CGNL1: variants seen among roughly 807,000 people sequenced by gnomAD.
CGNL1 encodes cingulin like 1.
In CGNL1, 132 loss-of-function variants were observed where a neutral mutation model predicts 141.2. That is an observed-to-expected ratio of 0.93 (90% confidence interval 0.81 to 1.08). The LOEUF (loss-of-function observed/expected upper bound fraction) is 1.08, where lower values mean the gene tolerates loss of function less well. Among genes scored for constraint, CGNL1 ranks in the 50% least tolerant of loss-of-function variants. The pLI is 0.00. For missense variants in CGNL1, 1,870 were observed against 1,588.6 expected (o/e 1.18, Z -3.01); for synonymous variants, 690 against 622.1 (o/e 1.11, Z -1.63).
intron 1 of CGNL1, among the ~76,000 whole-genome samples, chr15:57,414,702 A>G (rs1337217220): frequency 6.6e-6 from 1 of 151,820 alleles, no homozygotes; most frequent in Admixed American, 6.6e-5. Context: ...ACAATCCACC[A>G]AAACCAAGAT....
chr15:57,408,811 G>A (rs1160447460), intron 1 of CGNL1, among the ~76,000 whole-genome samples: 1 of 152,086 alleles, frequency 6.6e-6, no homozygotes, highest in Non-Finnish European at 1.5e-5. Context: ...CGAGGCAGCG[G>A]GATGGATCAC....
In CGNL1 at chr15:57,516,912, G is replaced by A. The variant is rs1396699310; in HGVS notation, c.2536G>A (p.Ala846Thr). 2 of 1,613,484 alleles carry A rather than the reference G, an allele frequency of 1.2e-6. No homozygotes were observed. The highest frequency in any genetic ancestry group is 2.7e-5 in the African/African-American group (2 of 74,454). ...AAGCGAAGAGCTGGAGCGGAGAGTT[G>A]CTCAGCTTCAAAGGCAGATCGAGGA... is the stretch of plus-strand genomic sequence containing the variant. ...GRSEELERRV[A>T]QLQRQIEDLK... The change falls in exon 9 of 19, where the codon GCT (alanine) becomes ACT (threonine). Residue 846 changes from alanine to threonine, a missense_variant. Transcript: ENST00000281282.
rs140214704 is a variant in CGNL1 at position 57,412,134 on chromosome 15, C to T, written c.-15-25851C>T. Among the ~76,000 whole-genome samples the T allele has an allele frequency of 4.9e-4, 75 of 152,298 alleles. No individual in the cohort carries two copies. The East Asian group carries it at 0.011, about 22-fold the overall frequency. ...TTGGAGAGTTTGTGTTGGCATCAGA[C>T]GGGTGCTGGTGATGTGCCTGAAAGT... On this transcript the variant is annotated intron_variant, in intron 1 of 18. Coordinates refer to ENST00000281282, the MANE Select transcript of CGNL1 (RefSeq NM_032866.5).
At chr15:57,529,559 A>AACACACACACACACACACACACAC (rs10593466) in intron 13 of CGNL1, among the ~76,000 whole-genome samples, 4 of 137,924 alleles carry the variant, frequency 2.9e-5, no homozygotes, top group East Asian at 2.1e-4. Context: ...AACCCCCAGA[A>AACACACACACACACACACACACAC]ACACACACAC....
chr15:57,433,107 C>CA (rs1200646126), intron 1 of CGNL1, among the ~76,000 whole-genome samples: 1 of 152,136 alleles, frequency 6.6e-6, no homozygotes, highest in Non-Finnish European at 1.5e-5. Flanking sequence ...ATACCACACA[C>CA]AAAAAATTTC....
chr15:57,392,717 A>G (rs1485318353), intron 1 of CGNL1, among the ~76,000 whole-genome samples: 1 of 152,220 alleles, frequency 6.6e-6, no homozygotes, highest in East Asian at 1.9e-4. Flanking sequence ...GGTTTTTACA[A>G]CTGAGGGTAG....
chr15:57,545,465 T>G (rs2032804814), intron 16 of CGNL1, 127 bp from the exon 17 acceptor site: 1 of 708,434 alleles, frequency 1.4e-6, no homozygotes, highest in African/African-American at 1.8e-5. Flanking sequence ...AAGTTGTGTT[T>G]CCCTGACCCT....
chr15:57,526,619 C>A (rs1394268048), intron 12 of CGNL1, among the ~76,000 whole-genome samples: 1 of 152,034 alleles, frequency 6.6e-6, no homozygotes, highest in Non-Finnish European at 1.5e-5. Context: ...TTAGTGATTA[C>A]CATTGTTCAG....
At chr15:57,443,190 G>C (rs1228827371) in intron 4 of CGNL1, among the ~76,000 whole-genome samples, 1 of 152,162 alleles carries the variant, frequency 6.6e-6, no homozygotes, top group East Asian at 1.9e-4. Flanking sequence ...TGCCAAGTTA[G>C]TTTTTAAATA....
In CGNL1 at chr15:57,439,451, G is replaced by A. The variant is rs755799852; in HGVS notation, c.1452G>A (p.Ala484=). Residue 484 remains alanine (A), a synonymous_variant, in exon 2 of 19, where the codon GCG becomes GCA. Transcript: ENST00000281282. The part of the protein sequence containing the change: ...EGSQESTVIR[A]PSLGAQSKKE... ...GTCAGGAAAGTACAGTGATCCGTGC[G>A]CCCTCCCTTGGTGCACAGAGTAAAA... is the stretch of plus-strand genomic sequence containing the variant. 5.0e-6 allele frequency: 8 copies of A among 1,614,066 alleles called. No homozygotes were observed. The highest frequency in any genetic ancestry group is 1.3e-5 in the African/African-American group (1 of 74,906).
chr15:57,513,818 G>A (rs1217074395), intron 8 of CGNL1, among the ~76,000 whole-genome samples: 3 of 152,218 alleles, frequency 2.0e-5, no homozygotes, highest in Admixed American at 6.5e-5. Context: ...CACTGTGCCC[G>A]GTCCCTTGTT....
intron 8 of CGNL1, among the ~76,000 whole-genome samples, chr15:57,464,466 T>G (rs1320378557): frequency 6.6e-6 from 1 of 152,188 alleles, no homozygotes; most frequent in Non-Finnish European, 1.5e-5. Flanking sequence ...GAGCTCAGCA[T>G]GGTGCCTGGG....
intron 1 of CGNL1, among the ~76,000 whole-genome samples, chr15:57,391,153 C>T (rs1706388): frequency 0.45 from 68,046 of 151,970 alleles, 15,481 homozygotes; most frequent in Middle Eastern, 0.54. Flanking sequence ...ACCCTGTTCC[C>T]AGTCTAGGGT....
intron 8 of CGNL1, among the ~76,000 whole-genome samples, chr15:57,473,899 CTTTTTTTTTTTT>C (rs59761174): frequency 0.011 from 790 of 70,678 alleles, 16 homozygotes; most frequent in African/African-American, 0.043. Context: ...TCTTCTTCTT[CTTTTTTTTTTTT>C]TTTTTTTTTT....
At chr15:57,546,352 T>C in intron 18 of CGNL1, 113 bp downstream of exon 18, 1 of 1,297,210 alleles carries the variant, frequency 7.7e-7, no homozygotes, top group Non-Finnish European at 1.0e-6. Flanking sequence ...TCATTGTTGC[T>C]TTTGGGGTTA....
At chr15:57,476,452 G>A (rs2063658682) in intron 8 of CGNL1, among the ~76,000 whole-genome samples, 2 of 152,280 alleles carry the variant, frequency 1.3e-5, no homozygotes, top group South Asian at 2.1e-4. Flanking sequence ...TTGCATTCAT[G>A]TATTTATTCA....
rs186191475 is a variant in CGNL1, at chr15:57,547,640, G to T, written c.*150G>T. Reference sequence around the variant, plus strand: ...CCAGCTCCTCAGTGTTACATTCCTCGCCAGGGTCTCTCAGTGGGTCTTCGA... The same window carrying T: ...CCAGCTCCTCAGTGTTACATTCCTCTCCAGGGTCTCTCAGTGGGTCTTCGA... On this transcript the variant is annotated 3_prime_UTR_variant, in exon 19 of 19. Transcript: ENST00000281282. The T allele has an allele frequency of 3.4e-6, 3 of 871,544 alleles. No homozygotes were observed. Among genetic ancestry groups the T allele is most frequent in the African/African-American group, 3.4e-5 (2 of 58,722 alleles). 54.0% of individuals were successfully genotyped at this position (871,544 alleles called of 1,614,324 possible).
At chr15:57,506,468 T>G (rs1183872559) in intron 8 of CGNL1, among the ~76,000 whole-genome samples, 1 of 152,184 alleles carries the variant, frequency 6.6e-6, no homozygotes, top group African/African-American at 2.4e-5. Flanking sequence ...AGGAATGGTG[T>G]TAAAAAAACA....
intron 8 of CGNL1, chr15:57,477,622 A>G (rs1479867202): frequency 6.6e-6 from 1 of 152,220 alleles, no homozygotes; most frequent in African/African-American, 2.4e-5. Context: ...TGCCTGGTCA[A>G]GGCATTTCAT....
Sources: allele counts gnomAD v4.1 joint callset (sites outside exome capture counted in the v4.1 genomes callset), GRCh38; gene constraint gnomAD v4.1.1; transcripts MANE v1.5; gene names NCBI Gene and HGNC (gene_info 2026-07-23, HGNC 2026-07-21).